The following UBE2T variants were observed in gnomAD, a reference collection of about 807,000 sequenced individuals.
UBE2T encodes ubiquitin-conjugating enzyme E2 T.
In UBE2T, 15 loss-of-function variants were observed where a neutral mutation model predicts 23.3. The ratio of observed to expected loss-of-function variants is 0.64; its 90% CI spans 0.43 to 0.99. The LOEUF (loss-of-function observed/expected upper bound fraction) is 0.99. Ranked by LOEUF, UBE2T falls within the 50% of genes least tolerant of loss-of-function variation. UBE2T has a pLI of 0.00. For synonymous variants in UBE2T, 67 were observed against 78.4 expected (o/e 0.85, Z 0.77); for missense variants, 197 against 234.9 (o/e 0.84, Z 1.05).
intron 1 of UBE2T, among the ~76,000 whole-genome samples, chr1:202,336,326 A>T (rs1015480194): frequency 3.5e-5 from 5 of 144,718 alleles, no homozygotes; most frequent in African/African-American, 1.3e-4. Flanking sequence ...GGCTTAAGTG[A>T]TCCTCCCATC....
chr1:202,339,040 T>C (rs960545100), intron 1 of UBE2T, among the ~76,000 whole-genome samples: 4 of 151,692 alleles, frequency 2.6e-5, no homozygotes, highest in East Asian at 1.9e-4. Flanking sequence ...ATCAAGGTTA[T>C]GCTAGCCTCC....
In UBE2T at chr1:202,335,728, T is replaced by C. The variant is rs746190604; in HGVS notation, c.27A>G (p.Arg9=). 8 of 1,613,962 alleles carry C rather than the reference T, an allele frequency of 5.0e-6. No homozygotes were observed. The South Asian group carries it at 7.7e-5, about 16-fold the overall frequency. The change falls in exon 2 of 7, where the codon AGA becomes AGG. Residue 9 remains arginine (R), a synonymous_variant. Transcript: ENST00000646651. The surrounding 1 kb of genome is among the most constrained non-coding windows in gnomAD (Gnocchi z 4.0). MQRASRLK[R]ELHMLATEPP... is the part of the protein sequence containing the mutation. ...GCTCTGTGGCTAACATGTGCAGCTC[T>C]CTCTTCAGACGTGAAGCTCTCTGCA...
chr1:202,332,931 A>AAAAAAAAAAC (rs1654793712), intron 6 of UBE2T, 79 bp downstream of exon 6: 1 of 484,864 alleles, frequency 2.1e-6, no homozygotes, highest in Non-Finnish European at 2.9e-6. Context: ...AAAAAAAAAA[A>AAAAAAAAAAC]AAAAAAAAAC....
At chr1:202,337,372 C>G (rs868372467) in intron 1 of UBE2T, among the ~76,000 whole-genome samples, 3 of 152,272 alleles carry the variant, frequency 2.0e-5, no homozygotes, top group South Asian at 2.1e-4. Flanking sequence ...TACATTTATA[C>G]TTTGTGTATT....
Position 202,335,076 on chromosome 1 carries a change from A to C in UBE2T, c.110-18T>G, listed in dbSNP as rs1405071755. The C allele has an allele frequency of 6.3e-7, 1 of 1,591,902 alleles. No individual in the cohort carries two copies. The highest frequency in any genetic ancestry group is 1.1e-5 in the South Asian group (1 of 88,366). ...TAATATTTCTTAAAAGAAAAAAGAA[A>C]GAAAAAGTTAAAAGGGAATCAGATC... is the stretch of plus-strand genomic sequence containing the variant. On this transcript the variant is annotated intron_variant, in intron 2 of 6. Transcript: ENST00000646651. This position sits in a 1 kb window ranked among gnomAD's most constrained non-coding sequence, Gnocchi z 4.0.
chr1:202,335,568 G>T lies in UBE2T; in HGVS notation c.109+78C>A. ...CTTATAACTGCTCCTTACTTTAGAA[G>T]AATACACAAAATGTTTTATTTCAGC... On this transcript the variant is annotated intron_variant, in intron 2 of 6. Transcript: ENST00000646651. This position sits in a 1 kb window ranked among gnomAD's most constrained non-coding sequence, Gnocchi z 4.0. 2 of 1,413,990 alleles carry T rather than the reference G, an allele frequency of 1.4e-6. No individual in the cohort carries two copies. Among genetic ancestry groups the T allele is most frequent in the Non-Finnish European group, 2.0e-6 (2 of 1,007,792 alleles). 87.6% of individuals were successfully genotyped at this position (1,413,990 alleles called of 1,614,324 possible).
At position 202,331,897 on chromosome 1, in the gene UBE2T, T is replaced by G. The variant is rs1389084401; in HGVS notation, c.532A>C (p.Thr178Pro). 1.2e-6 allele frequency: 2 copies of G among 1,614,174 alleles called. No homozygotes were observed. Among genetic ancestry groups the G allele is most frequent in the Admixed American group, 3.3e-5 (2 of 60,030 alleles). Residue 178 changes from threonine (T) to proline (P), a missense_variant, in exon 7 of 7, where the codon ACA becomes CCA. Thr to Pro is a conservative substitution (Grantham distance 38). Transcript: ENST00000646651. ...AGCTGACTGGCCTTCCTTTTCTGTG[T>G]TGAGTTGTGTACTCTGGAGTCACCA... ...EAGDSRVHNS[T>P]QKRKASQLVG... is the part of the protein sequence containing the mutation.
rs752415295 is a variant in UBE2T, at chr1:202,335,573, C to A, written c.109+73G>T. 6 of 1,457,942 alleles carry A rather than the reference C, an allele frequency of 4.1e-6. No individual in the cohort carries two copies. The highest frequency in any genetic ancestry group is 3.8e-6 in the Non-Finnish European group (4 of 1,045,336). The allele number at this position is 1,457,942 out of a possible 1,614,324, so 90.3% of individuals were successfully genotyped here. A position where few individuals can be genotyped will look rare whatever the true frequency, so the allele number is the denominator to read the frequency against. ...AACTGCTCCTTACTTTAGAAGAATACACAAAATGTTTTATTTCAGCACAAT... is the reference window on the plus strand; with the variant it reads ...AACTGCTCCTTACTTTAGAAGAATAAACAAAATGTTTTATTTCAGCACAAT... On this transcript the variant is annotated intron_variant, in intron 2 of 6. Transcript: ENST00000646651. This position sits in a 1 kb window ranked among gnomAD's most constrained non-coding sequence, Gnocchi z 4.0.
chr1:202,341,411 T>C lies in UBE2T; in HGVS notation c.-65+484A>G, dbSNP rs548982782. On this transcript the variant is annotated intron_variant, in intron 1 of 6. Transcript: ENST00000646651. ...GGCTAAAACGGTGAAACCCCGTCTC[T>C]ACTGAAAATACAAAAAATTAGCCGG... Among the ~76,000 whole-genome samples, 370 of 148,864 alleles carry C rather than the reference T, an allele frequency of 2.5e-3. 1 individual carries two copies. The highest frequency in any genetic ancestry group is 3.9e-3 in the Non-Finnish European group (264 of 67,270).
Position 202,331,670 on chromosome 1 carries a change from A to G in UBE2T, c.*165T>C, listed in dbSNP as rs1323091381. 3 of 824,706 alleles carry G rather than the reference A, an allele frequency of 3.6e-6. No homozygotes were observed. Among genetic ancestry groups the G allele is most frequent in the Non-Finnish European group, 5.6e-6 (3 of 539,004 alleles). The allele number at this position is 824,706 out of a possible 1,614,324, so 51.1% of individuals were successfully genotyped here. On this transcript the variant is annotated 3_prime_UTR_variant, in exon 7 of 7. Coordinates refer to ENST00000646651, the MANE Select transcript of UBE2T (RefSeq NM_014176.4). The stretch of plus-strand genomic sequence containing the variant: ...ATAAACACATACTCAACATTAAATG[A>G]CTATTTATTTTTCAGGTTTAAAAGA...
intron 1 of UBE2T, among the ~76,000 whole-genome samples, chr1:202,336,786 A>C (rs1269559760): frequency 6.6e-6 from 1 of 152,106 alleles, no homozygotes; most frequent in African/African-American, 2.4e-5. Flanking sequence ...CCTTCTCCCA[A>C]TCTTCAGGGA....
chr1:202,340,435 A>G (rs1030070873), intron 1 of UBE2T, among the ~76,000 whole-genome samples: 2 of 151,746 alleles, frequency 1.3e-5, no homozygotes, highest in Non-Finnish European at 2.9e-5. Context: ...AATGGCTTCA[A>G]CCAGGAAGGC....
At chr1:202,340,404 C>T (rs1654974981) in intron 1 of UBE2T, among the ~76,000 whole-genome samples, 1 of 151,280 alleles carries the variant, frequency 6.6e-6, no homozygotes, top group South Asian at 2.1e-4. Flanking sequence ...ATCCCAGCTA[C>T]TTGGAAGGCT....
In UBE2T at chr1:202,336,210, C is replaced by CT. The variant is rs60785340; in HGVS notation, c.-64-393dup. On this transcript the variant is annotated intron_variant, in intron 1 of 6. Transcript: ENST00000646651. ...TACAGGCGTGAGCCAATGCACCCAG[C>CT]TTTTTTTTTTTTTTTTTTTTTTTTT... is the stretch of plus-strand genomic sequence containing the variant. 1.4e-3 allele frequency among the ~76,000 whole-genome samples: 47 copies of CT among 34,370 alleles called. 6 individuals are homozygous for CT. The highest frequency in any genetic ancestry group is 4.6e-3 in the African/African-American group (43 of 9,350). 22.5% of individuals were successfully genotyped at this position (34,370 alleles called of 152,430 possible). A position where few individuals can be genotyped will look rare whatever the true frequency, so the allele number is the denominator to read the frequency against.
intron 6 of UBE2T, 71 bp from the exon 7 acceptor site, chr1:202,332,031 T>C (rs1011764449): frequency 6.4e-7 from 1 of 1,567,022 alleles, no homozygotes; most frequent in Non-Finnish European, 8.7e-7. Context: ...TGAAGCTCTG[T>C]AATATTATTT....
At chr1:202,334,780 G>A (rs1654844819) in intron 3 of UBE2T, among the ~76,000 whole-genome samples, 1 of 152,190 alleles carries the variant, frequency 6.6e-6, no homozygotes, top group African/African-American at 2.4e-5. Flanking sequence ...AATTTAGAAA[G>A]TGAGGGGGTC....
chr1:202,332,054 T>C lies in UBE2T; in HGVS notation c.469-94A>G, dbSNP rs1025751162. The C allele has an allele frequency of 1.0e-5, 15 of 1,485,174 alleles. 1 individual carries two copies. The Admixed American group carries it at 2.1e-4, about 20-fold the overall frequency. 92.0% of individuals were successfully genotyped at this position (1,485,174 alleles called of 1,614,324 possible). ...TGTAATATTATTTCCATGTACTTCT[T>C]TGTTGCAAGATTTAAATACAGTATT... is the stretch of plus-strand genomic sequence containing the variant. On this transcript the variant is annotated intron_variant, in intron 6 of 6. Coordinates refer to ENST00000646651, the MANE Select transcript of UBE2T (RefSeq NM_014176.4).
At chr1:202,338,104 C>T (rs983904704) in intron 1 of UBE2T, among the ~76,000 whole-genome samples, 13 of 152,078 alleles carry the variant, frequency 8.5e-5, no homozygotes, top group Non-Finnish European at 1.6e-4. Context: ...ATAATTTTCT[C>T]TATAAAGCTT....
rs1654750271 is a variant in UBE2T, at chr1:202,331,773, G to A, written c.*62C>T. The A allele has an allele frequency of 1.5e-5, 23 of 1,579,612 alleles. No individual in the cohort carries two copies. In the South Asian group the frequency reaches 2.2e-4, roughly 15 times the overall value. The stretch of plus-strand genomic sequence containing the variant: ...AAATATATTTAAAAAAAAATTCAAG[G>A]TAGGCAACTTAGATCACCTTGGCAA... On this transcript the variant is annotated 3_prime_UTR_variant, in exon 7 of 7. Coordinates refer to ENST00000646651, the MANE Select transcript of UBE2T (RefSeq NM_014176.4).
Sources: gnomAD v4.1 joint callset for allele counts (sites outside exome capture counted in the v4.1 genomes callset) on GRCh38, gnomAD v4.1.1 for gene constraint, Gnocchi (gnomAD v3.1) non-coding constraint, MANE v1.5 for transcripts, NCBI Gene and HGNC (gene_info 2026-07-23, HGNC 2026-07-21) for gene names.